The following METTL17 variants were observed in gnomAD, a reference collection of about 807,000 sequenced individuals.
METTL17 encodes the protein ribosome assembly protein METTL17, mitochondrial.
In METTL17, 49 loss-of-function variants were observed where a neutral mutation model predicts 59.4. That is an observed-to-expected ratio of 0.82 (90% CI 0.66 to 1.05). The LOEUF is 1.05. Ranked by LOEUF, METTL17 falls within the 50% of genes least tolerant of loss-of-function variation. METTL17 has a pLI of 0.00. For missense variants in METTL17, 555 were observed against 578.4 expected, an observed-to-expected ratio of 0.96 and a Z score of 0.41; for synonymous variants, 208 against 209.2, an observed-to-expected ratio of 0.99 and a Z score of 0.05.
At chr14:20,992,846 C>T (rs904552319) in intron 5 of METTL17, 9 of 604,822 alleles carry the variant, frequency 1.5e-5, no homozygotes, top group East Asian at 2.7e-5. Context: ...CTGTGATCTC[C>T]ACTGTACTCC....
Position 20,990,083 on chromosome 14 carries a change from T to C in METTL17, c.75+6T>C, listed in dbSNP as rs1879944189. The C allele has an allele frequency of 1.2e-6, 2 of 1,612,666 alleles. No homozygotes were observed. The highest frequency in any genetic ancestry group is 3.3e-5 in the Admixed American group (2 of 59,998). Reference sequence around the variant, plus strand: ...GAGTGGCTCCCCAGGCCCGGGTGAGTGCCTACATTCCCTGCTGTCGGAGAG... The same window carrying C: ...GAGTGGCTCCCCAGGCCCGGGTGAGCGCCTACATTCCCTGCTGTCGGAGAG... On this transcript the variant is annotated splice_donor_region_variant and intron_variant, in intron 1 of 13. Transcript: ENST00000339374.
In METTL17 at chr14:20,994,916, C is replaced by T. The variant is rs753280820; in HGVS notation, c.876+15C>T. On this transcript the variant is annotated intron_variant, in intron 9 of 13. Transcript: ENST00000339374. ...GTCATTTCCTGGTGAGTTAAAATTC[C>T]TTGTTCTCCTTAAGTCTTGAAGCAG... is the stretch of plus-strand genomic sequence containing the variant. The T allele has an allele frequency of 6.3e-7, 1 of 1,588,088 alleles. No individual in the cohort carries two copies. The highest frequency in any genetic ancestry group is 8.6e-7 in the Non-Finnish European group (1 of 1,158,590).
Position 20,990,344 on chromosome 14 carries a change from C to G in METTL17, c.190C>G (p.Pro64Ala). Reference sequence around the variant, plus strand: ...CCTAAAGCTGCCGCACGTGCGGCTGCCACAGGCACTGGCTAACGGTGCCCA... The same window carrying G: ...CCTAAAGCTGCCGCACGTGCGGCTGGCACAGGCACTGGCTAACGGTGCCCA... ...GILKLPHVRL[P>A]QALANGAQLL... The change falls in exon 2 of 14, where the codon CCA (proline) becomes GCA (alanine). Residue 64 changes from proline (P) to alanine (A), a missense_variant. Coordinates refer to ENST00000339374, the MANE Select transcript of METTL17 (RefSeq NM_022734.3). 6.2e-7 allele frequency: 1 copy of G among 1,614,246 alleles called. No individual in the cohort carries two copies. Among genetic ancestry groups the G allele is most frequent in the Non-Finnish European group, 8.5e-7 (1 of 1,180,040 alleles).
chr14:20,990,078 G>C lies in METTL17; in HGVS notation c.75+1G>C. 6.2e-7 allele frequency: 1 copy of C among 1,613,070 alleles called. No individual in the cohort carries two copies. The highest frequency in any genetic ancestry group is 8.5e-7 in the Non-Finnish European group (1 of 1,180,026). ...CCTTGGAGTGGCTCCCCAGGCCCGG[G>C]TGAGTGCCTACATTCCCTGCTGTCG... On this transcript the variant is annotated splice_donor_variant, in intron 1 of 13. Coordinates refer to ENST00000339374, the MANE Select transcript of METTL17 (RefSeq NM_022734.3). LOFTEE classifies it high-confidence loss of function.
chr14:20,990,702 T>C, intron 3 of METTL17, 104 bp downstream of exon 3: 2 of 1,421,530 alleles, frequency 1.4e-6, no homozygotes, highest in Non-Finnish European at 1.9e-6. Flanking sequence ...AGTCTCTTAT[T>C]TGACTTTCTA....
At chr14:20,990,818 G>GTTTT (rs1388483156) in intron 3 of METTL17, 1 of 593,496 alleles carries the variant, frequency 1.7e-6, no homozygotes, top group Non-Finnish European at 2.9e-6. Context: ...TTTTTTGTTT[G>GTTTT]TTTGTTTGTT....
At chr14:20,993,394 A>G (rs753639680) in intron 6 of METTL17, 5 of 493,982 alleles carry the variant, frequency 1.0e-5, no homozygotes, top group African/African-American at 2.0e-5. Flanking sequence ...AAGTAAAAAA[A>G]GGCGCATGTG....
chr14:20,993,230 G>T, intron 6 of METTL17, 39 bp downstream of exon 6: 3 of 1,559,956 alleles, frequency 1.9e-6, no homozygotes, highest in Non-Finnish European at 2.7e-6. Context: ...GTCAATTTTA[G>T]CTCTAGAAAG....
intron 3 of METTL17, among the ~76,000 whole-genome samples, chr14:20,991,139 G>A (rs1323734007): frequency 6.6e-6 from 1 of 151,970 alleles, no homozygotes; most frequent in Admixed American, 6.6e-5. Flanking sequence ...CCAATATACT[G>A]TTAAAATCTA....
At position 20,990,256 on chromosome 14, in the gene METTL17, G is replaced by T; in HGVS notation, c.102G>T (p.Val34=). Residue 34 remains valine (V), a synonymous_variant, in exon 2 of 14, where the codon GTG becomes GTT. Transcript: ENST00000339374. Reference sequence around the variant, plus strand: ...CGCTCGCCGCCTTAGTACCCGGAGTGACCCAGGTAGATAACAAGTCCGGTT... The same window carrying T: ...CGCTCGCCGCCTTAGTACCCGGAGTTACCCAGGTAGATAACAAGTCCGGTT... ...ARALAALVPG[V]TQVDNKSGFL... is the part of the protein sequence containing the mutation. The T allele has an allele frequency of 6.2e-7, 1 of 1,614,216 alleles. No individual in the cohort carries two copies. The highest frequency in any genetic ancestry group is 1.1e-5 in the South Asian group (1 of 91,070).
intron 5 of METTL17, 78 bp downstream of exon 5, chr14:20,992,700 A>G: frequency 8.8e-7 from 1 of 1,136,266 alleles, no homozygotes; most frequent in Non-Finnish European, 1.3e-6. Context: ...TAGGATGGGG[A>G]TTCTTGGGAC....
intron 7 of METTL17, 26 bp from the exon 8 acceptor site, chr14:20,994,515 TCA>T: frequency 6.3e-7 from 1 of 1,598,878 alleles, no homozygotes; most frequent in South Asian, 1.1e-5. Flanking sequence ...TCCTACACAC[TCA>T]CAGTTGCCTC....
intron 5 of METTL17, chr14:20,992,911 T>G: frequency 1.6e-6 from 1 of 606,262 alleles, no homozygotes; most frequent in Admixed American, 3.0e-5. Flanking sequence ...AATAAAGACG[T>G]TCTCTTTATC....
chr14:20,994,112 G>T (rs752705486), intron 7 of METTL17, 49 bp downstream of exon 7: 1 of 1,352,622 alleles, frequency 7.4e-7, no homozygotes, highest in Non-Finnish European at 1.1e-6. Context: ...AAAGCAAAGG[G>T]GTACTAGTAA....
rs373930841 is a variant in METTL17, at chr14:20,992,168, G to C, written c.409G>C (p.Ala137Pro). Residue 137 changes from alanine (A) to proline (P), a missense_variant, in exon 4 of 14, where the codon GCA (alanine) becomes CCA (proline). Coordinates refer to ENST00000339374, the MANE Select transcript of METTL17 (RefSeq NM_022734.3). ...EEKLRGAVLH[A>P]LRKTTYHWQE... is the part of the protein sequence containing the mutation. ...GAAACTTCGTGGAGCAGTGCTACAC[G>C]CACTACGTAAAACTACCTACCATTG... 1.2e-6 allele frequency: 2 copies of C among 1,611,068 alleles called. No homozygotes were observed. The highest frequency in any genetic ancestry group is 2.7e-5 in the African/African-American group (2 of 74,774).
chr14:20,993,686 G>C lies in METTL17; in HGVS notation c.603-283G>C, dbSNP rs537387761. ...GACGGGGTTTCACCATATTGGCCAGGCTGGTCTCTAACTCCTGACCTTGTG... is the reference window on the plus strand; with the variant it reads ...GACGGGGTTTCACCATATTGGCCAGCCTGGTCTCTAACTCCTGACCTTGTG... On this transcript the variant is annotated intron_variant, in intron 6 of 13. Transcript: ENST00000339374. The C allele has an allele frequency of 8.3e-5, 20 of 241,654 alleles. 1 individual carries two copies. The East Asian group carries it at 1.7e-3, about 21-fold the overall frequency. The allele number at this position is 241,654 out of a possible 1,614,324, so 15.0% of individuals were successfully genotyped here. A position where few individuals can be genotyped will look rare whatever the true frequency, so the allele number is the denominator to read the frequency against.
In METTL17 at chr14:20,995,911, A is replaced by G. The variant is rs142555446; in HGVS notation, c.956A>G (p.Lys319Arg). ...ARDLVLKGKE[K>R]SPLDPRPGFV... is the part of the protein sequence containing the mutation. ...TTCCTTTGATTTCAGGGAAAAGAGA[A>G]GTCACCTTTGGACCCTCGACCTGGT... Residue 319 changes from lysine to arginine, a missense_variant, in exon 11 of 14, where the codon AAG becomes AGG. Physicochemically the swap from Lys to Arg is conservative, Grantham distance 26. Coordinates refer to ENST00000339374, the MANE Select transcript of METTL17 (RefSeq NM_022734.3). 806 of 1,613,974 alleles carry G rather than the reference A, an allele frequency of 5.0e-4. 1 individual carries two copies. The highest frequency in any genetic ancestry group is 6.5e-4 in the Non-Finnish European group (763 of 1,179,972).
chr14:20,992,411 C>G, intron 4 of METTL17, 130 bp from the exon 5 acceptor site: 1 of 808,918 alleles, frequency 1.2e-6, no homozygotes, highest in Non-Finnish European at 2.0e-6. Context: ...CCCCAGGACC[C>G]TTTTGTATTG....
chr14:20,992,909 C>A, intron 5 of METTL17: 2 of 605,534 alleles, frequency 3.3e-6, no homozygotes, highest in Non-Finnish European at 5.8e-6. Flanking sequence ...AAAATAAAGA[C>A]GTTCTCTTTA....
Sources: allele counts gnomAD v4.1 joint callset (sites outside exome capture counted in the v4.1 genomes callset), GRCh38; gene constraint gnomAD v4.1.1; transcripts MANE v1.5; gene names NCBI Gene and HGNC (gene_info 2026-07-23, HGNC 2026-07-21).